GRIK1: variants seen among roughly 807,000 people sequenced by gnomAD.
GRIK1 encodes glutamate receptor ionotropic, kainate 1.
GRIK1 carries 69 observed loss-of-function variants against 105.7 expected under a neutral mutation model. That is an observed-to-expected ratio of 0.65 (90% CI 0.54 to 0.80). The LOEUF (loss-of-function observed/expected upper bound fraction) is 0.80. Among genes scored for constraint, GRIK1 ranks in the 30% least tolerant of loss-of-function variants. The probability of loss-of-function intolerance (pLI) is 0.00; values close to 1 mark genes in which losing one functional copy is unlikely to be tolerated. For synonymous variants in GRIK1, 438 were observed against 431.3 expected (o/e 1.02, Z -0.19); for missense variants, 1,109 against 1,167.3 (o/e 0.95, Z 0.73).
At chr21:29,669,314 G>A (rs1461327616) in intron 4 of GRIK1, among the ~76,000 whole-genome samples, 1 of 152,168 alleles carries the variant, frequency 6.6e-6, no homozygotes, top group Non-Finnish European at 1.5e-5. Flanking sequence ...ATATGATAAA[G>A]GTGCAGGGAA....
chr21:29,793,160 CT>C lies in GRIK1; in HGVS notation c.119-99098del, dbSNP rs1440254536. The stretch of plus-strand genomic sequence containing the variant: ...AATTCTTCTCTAATATGCACACACA[CT>C]ACATTGTTGACTGGGACCTAGCATG... On this transcript the variant is annotated intron_variant, in intron 1 of 17. Transcript: ENST00000327783. Among the ~76,000 whole-genome samples the C allele has an allele frequency of 1.3e-5, 2 of 152,164 alleles. 1 individual carries two copies. The highest frequency in any genetic ancestry group is 4.8e-5 in the African/African-American group (2 of 41,442).
At chr21:29,618,019 G>A (rs1400452116) in intron 7 of GRIK1, among the ~76,000 whole-genome samples, 1 of 152,150 alleles carries the variant, frequency 6.6e-6, no homozygotes, top group East Asian at 1.9e-4. Flanking sequence ...CATTGACCCT[G>A]ACTGAAAGGC....
chr21:29,816,179 C>A (rs9636826), intron 1 of GRIK1, among the ~76,000 whole-genome samples: 1 of 151,930 alleles, frequency 6.6e-6, no homozygotes, highest in African/African-American at 2.4e-5. Context: ...AAACGGCCAA[C>A]AGGTATATGA....
At chr21:29,614,402 CTTTTTT>C (rs35063316) in intron 7 of GRIK1, among the ~76,000 whole-genome samples, 11 of 83,086 alleles carry the variant, frequency 1.3e-4, no homozygotes, top group Non-Finnish European at 1.6e-4. Flanking sequence ...TAAAATCCCT[CTTTTTT>C]TTTTTTTTTT....
At chr21:29,876,497 A>C (rs1391828676) in intron 1 of GRIK1, among the ~76,000 whole-genome samples, 1 of 152,062 alleles carries the variant, frequency 6.6e-6, no homozygotes, top group East Asian at 1.9e-4. Context: ...TACATTTTTC[A>C]TCATTTTATT....
intron 1 of GRIK1, among the ~76,000 whole-genome samples, chr21:29,858,394 G>A (rs1461023212): frequency 2.0e-5 from 3 of 152,030 alleles, no homozygotes. Context: ...CCTATGTCAG[G>A]GGCTCCCAGT....
chr21:29,715,908 C>G (rs1379153190), intron 1 of GRIK1, among the ~76,000 whole-genome samples: 1 of 151,972 alleles, frequency 6.6e-6, no homozygotes. Context: ...TATGGTTTGG[C>G]TATGTCCCCA....
chr21:29,886,105 C>T (rs1380173841), intron 1 of GRIK1, among the ~76,000 whole-genome samples: 1 of 152,070 alleles, frequency 6.6e-6, no homozygotes, highest in Non-Finnish European at 1.5e-5. Context: ...AGGCACTTTC[C>T]TCCCAAATGA....
chr21:29,787,914 C>T (rs532639206), intron 1 of GRIK1, among the ~76,000 whole-genome samples: 1 of 152,258 alleles, frequency 6.6e-6, no homozygotes, highest in East Asian at 1.9e-4. Context: ...TTTTGTTCCT[C>T]GTTTATCCTG....
intron 4 of GRIK1, among the ~76,000 whole-genome samples, chr21:29,670,849 A>G (rs1007303171): frequency 6.6e-6 from 1 of 152,162 alleles, no homozygotes; most frequent in African/African-American, 2.4e-5. Context: ...CTTACCTTTA[A>G]AGTTCTTCAG....
At chr21:29,567,033 CATCAT>C (rs1398041648) in intron 14 of GRIK1, among the ~76,000 whole-genome samples, 10 of 152,158 alleles carry the variant, frequency 6.6e-5, no homozygotes, top group Non-Finnish European at 1.3e-4. Context: ...CTGTTGTACT[CATCAT>C]ATAATGTACA....
chr21:29,888,535 GGAACCA>G (rs2069765109), intron 1 of GRIK1, among the ~76,000 whole-genome samples: 1 of 151,648 alleles, frequency 6.6e-6, no homozygotes, highest in African/African-American at 2.4e-5. Context: ...CAAACTGTTG[GGAACCA>G]CTTACAGGTG....
intron 16 of GRIK1, among the ~76,000 whole-genome samples, chr21:29,541,632 TA>T (rs1435963913): frequency 1.3e-5 from 2 of 149,060 alleles, no homozygotes; most frequent in Admixed American, 6.7e-5. Context: ...GATGGTTCTT[TA>T]ATTTGAGCCA....
intron 7 of GRIK1, among the ~76,000 whole-genome samples, chr21:29,618,716 C>T (rs2061909298): frequency 1.3e-5 from 2 of 152,142 alleles, no homozygotes; most frequent in East Asian, 3.8e-4. Flanking sequence ...TTCACAGCAA[C>T]CTGGATGAGA....
chr21:29,632,439 C>A (rs2062299093), intron 7 of GRIK1, among the ~76,000 whole-genome samples: 2 of 151,706 alleles, frequency 1.3e-5, no homozygotes, highest in African/African-American at 4.9e-5. Flanking sequence ...ATAATATGTA[C>A]CAACTTAGAT....
chr21:29,673,228 A>C, intron 3 of GRIK1, 64 bp from the exon 4 acceptor site: 1 of 1,138,348 alleles, frequency 8.8e-7, no homozygotes, highest in Non-Finnish European at 1.3e-6. Flanking sequence ...GTTTATTGCC[A>C]TTTAGTTAAA....
chr21:29,728,293 G>A (rs2146886622), intron 1 of GRIK1, among the ~76,000 whole-genome samples: 1 of 152,226 alleles, frequency 6.6e-6, no homozygotes, highest in Non-Finnish European at 1.5e-5. Context: ...TGTGCAGGAT[G>A]GATTCAATTA....
chr21:29,768,010 G>A (rs1469273587), intron 1 of GRIK1, among the ~76,000 whole-genome samples: 1 of 152,108 alleles, frequency 6.6e-6, no homozygotes, highest in Admixed American at 6.6e-5. Context: ...TTAAGCGCTG[G>A]CAATGGGGTC....
intron 3 of GRIK1, among the ~76,000 whole-genome samples, chr21:29,682,194 C>T (rs1044759949): frequency 2.0e-5 from 3 of 152,158 alleles, no homozygotes; most frequent in African/African-American, 4.8e-5. Context: ...CCATGAAAGC[C>T]CAGAGGACTA....
Sources: allele counts gnomAD v4.1 joint callset (sites outside exome capture counted in the v4.1 genomes callset), GRCh38; gene constraint gnomAD v4.1.1; transcripts MANE v1.5; gene names NCBI Gene and HGNC (gene_info 2026-07-23, HGNC 2026-07-21).